SLC2A12: variants seen among roughly 807,000 people sequenced by gnomAD.
SLC2A12 encodes the protein solute carrier family 2 member 12.
Under a neutral mutation model 41.8 loss-of-function variants are expected in SLC2A12, and 23 were observed. The ratio of observed to expected loss-of-function variants is 0.55; its 90% CI spans 0.40 to 0.78. The LOEUF is 0.78. Among genes scored for constraint, SLC2A12 ranks in the 30% least tolerant of loss-of-function variants. The pLI is 0.00. For synonymous variants in SLC2A12, 295 were observed against 285.9 expected (o/e 1.03, Z -0.32); for missense variants, 654 against 745.6 (o/e 0.88, Z 1.43).
Position 134,004,605 on chromosome 6 carries a change from T to G in SLC2A12, c.1567+2207A>C, listed in dbSNP as rs183438078. Among the ~76,000 whole-genome samples, 3 of 152,340 alleles carry G rather than the reference T, an allele frequency of 2.0e-5. No individual in the cohort carries two copies. The East Asian group carries it at 5.8e-4, about 29-fold the overall frequency. ...TTCCCACAGTCTGGATTTTCTTGAT[T>G]GTAGTCATGCTGCATGTTCCTCATC... On this transcript the variant is annotated intron_variant, in intron 3 of 4. Transcript: ENST00000275230.
chr6:134,005,024 C>T (rs1776795379), intron 3 of SLC2A12, among the ~76,000 whole-genome samples: 1 of 152,084 alleles, frequency 6.6e-6, no homozygotes, highest in African/African-American at 2.4e-5. Flanking sequence ...TAAATTTAGG[C>T]TTTATTTATT....
intron 4 of SLC2A12, among the ~76,000 whole-genome samples, chr6:133,991,518 C>A (rs925705635): frequency 2.0e-5 from 3 of 152,156 alleles, no homozygotes; most frequent in African/African-American, 7.2e-5. Context: ...GGTGTCTTCT[C>A]AGAATACAAT....
intron 2 of SLC2A12, among the ~76,000 whole-genome samples, chr6:134,013,819 C>T (rs1296768797): frequency 6.6e-6 from 1 of 152,152 alleles, no homozygotes; most frequent in African/African-American, 2.4e-5. Context: ...TTTTGAACAG[C>T]TACACCAATA....
At chr6:134,015,359 T>G (rs1375355426) in intron 2 of SLC2A12, among the ~76,000 whole-genome samples, 2 of 152,104 alleles carry the variant, frequency 1.3e-5, no homozygotes, top group Non-Finnish European at 2.9e-5. Context: ...AGCAAATGGA[T>G]GCTGGGCTTA....
In SLC2A12 at chr6:133,992,800, G is replaced by A. The variant is rs188338588; in HGVS notation, c.1701-1492C>T. Among the ~76,000 whole-genome samples the A allele has an allele frequency of 2.0e-5, 3 of 152,280 alleles. No homozygotes were observed. In the East Asian group the frequency reaches 5.8e-4, roughly 29 times the overall value. The stretch of plus-strand genomic sequence containing the variant: ...TGAAGTGCCAGTACTTGAGGAAGTG[G>A]GCTGGAGAGATGAGTGGTTAGAGGG... On this transcript the variant is annotated intron_variant, in intron 4 of 4. Coordinates refer to ENST00000275230, the MANE Select transcript of SLC2A12 (RefSeq NM_145176.3).
chr6:134,006,623 C>T (rs1760386382), intron 3 of SLC2A12, among the ~76,000 whole-genome samples, 189 bp downstream of exon 3: 1 of 151,924 alleles, frequency 6.6e-6, no homozygotes, highest in East Asian at 1.9e-4. Context: ...AGGGGAAGAG[C>T]AGGTGGGGTT....
chr6:134,043,548 A>C (rs1458832583), intron 1 of SLC2A12, among the ~76,000 whole-genome samples: 1 of 152,068 alleles, frequency 6.6e-6, no homozygotes, highest in Non-Finnish European at 1.5e-5. Flanking sequence ...CAATCCCAGC[A>C]CTTTGGGAGG....
At chr6:134,032,865 T>C (rs1351732366) in intron 1 of SLC2A12, among the ~76,000 whole-genome samples, 1 of 142,830 alleles carries the variant, frequency 7.0e-6, no homozygotes, top group Non-Finnish European at 1.5e-5. Context: ...TTATATAATA[T>C]ATTACATATA....
chr6:134,021,507 T>C lies in SLC2A12; in HGVS notation c.1444+6874A>G, dbSNP rs146786596. On this transcript the variant is annotated intron_variant, in intron 2 of 4. Transcript: ENST00000275230. The stretch of plus-strand genomic sequence containing the variant: ...CTAAGGACTAAGATGTGTTCTCACA[T>C]TGTAACTTACATTATATCATACTCT... Among the ~76,000 whole-genome samples the C allele has an allele frequency of 2.6e-3, 391 of 152,346 alleles. 1 individual carries two copies. Among genetic ancestry groups the C allele is most frequent in the African/African-American group, 8.9e-3 (368 of 41,578 alleles).
chr6:134,042,211 T>C (rs1157449877), intron 1 of SLC2A12, among the ~76,000 whole-genome samples: 2 of 152,222 alleles, frequency 1.3e-5, no homozygotes, highest in Non-Finnish European at 2.9e-5. Flanking sequence ...GTTGCTGCAC[T>C]CAATAATGGT....
At chr6:134,036,043 C>A (rs1018562098) in intron 1 of SLC2A12, among the ~76,000 whole-genome samples, 24 of 152,184 alleles carry the variant, frequency 1.6e-4, no homozygotes, top group Admixed American at 4.6e-4. Flanking sequence ...TTTCTGCCTG[C>A]TTTCTTCTTC....
chr6:134,035,617 T>C (rs1378005369), intron 1 of SLC2A12, among the ~76,000 whole-genome samples: 1 of 152,178 alleles, frequency 6.6e-6, no homozygotes, highest in African/African-American at 2.4e-5. Flanking sequence ...CACATCAAAC[T>C]TTGATTAACT....
chr6:134,029,860 AC>A, intron 1 of SLC2A12, 139 bp from the exon 2 acceptor site: 1 of 1,094,396 alleles, frequency 9.1e-7, no homozygotes, highest in Non-Finnish European at 1.3e-6. Flanking sequence ...ATAAAATAAT[AC>A]ACTAACCAAA....
intron 4 of SLC2A12, among the ~76,000 whole-genome samples, chr6:133,991,532 A>G (rs942402679): frequency 1.3e-5 from 2 of 152,210 alleles, no homozygotes; most frequent in African/African-American, 4.8e-5. Flanking sequence ...ATACAATCCC[A>G]GCAGTCAGCT....
intron 2 of SLC2A12, among the ~76,000 whole-genome samples, chr6:134,020,931 G>A (rs1777032080): frequency 1.3e-5 from 2 of 152,208 alleles, no homozygotes; most frequent in African/African-American, 4.8e-5. Context: ...GCAAAAAGCA[G>A]AGGATCCAAA....
intron 1 of SLC2A12, among the ~76,000 whole-genome samples, chr6:134,040,872 G>C (rs1777373188): frequency 6.6e-6 from 1 of 152,160 alleles, no homozygotes; most frequent in South Asian, 2.1e-4. Flanking sequence ...AAATCAGAGG[G>C]GAGTTGGAAT....
At chr6:134,043,811 AAAG>A (rs990608975) in intron 1 of SLC2A12, among the ~76,000 whole-genome samples, 2 of 151,804 alleles carry the variant, frequency 1.3e-5, no homozygotes, top group African/African-American at 2.4e-5. Flanking sequence ...AAAAAAAAGA[AAAG>A]AAATTTTCTT....
rs200317270 is a variant in SLC2A12 at position 134,029,537 on chromosome 6, G to A, written c.288C>T (p.Thr96=). Residue 96 remains threonine (T), a synonymous_variant, in exon 2 of 5, where the codon ACC becomes ACT. Coordinates refer to ENST00000275230, the MANE Select transcript of SLC2A12 (RefSeq NM_145176.3). ...CATATCTGTCTATCAGGACCCCTCCGGTGAGTGAGGCAAGGAGGGCTCCAA... is the reference window on the plus strand; with the variant it reads ...CATATCTGTCTATCAGGACCCCTCCAGTGAGTGAGGCAAGGAGGGCTCCAA... ...LVIGALLASL[T]GGVLIDRYGR... is the part of the protein sequence containing the mutation. 105 of 1,614,120 alleles carry A rather than the reference G, an allele frequency of 6.5e-5. No homozygotes were observed. The East Asian group carries it at 1.0e-3, about 15-fold the overall frequency.
At chr6:134,039,884 A>G (rs1474131397) in intron 1 of SLC2A12, among the ~76,000 whole-genome samples, 1 of 151,890 alleles carries the variant, frequency 6.6e-6, no homozygotes, top group Non-Finnish European at 1.5e-5. Flanking sequence ...CTCTCACTCC[A>G]GTTTTCACAA....
Sources: allele counts gnomAD v4.1 joint callset (sites outside exome capture counted in the v4.1 genomes callset), GRCh38; gene constraint gnomAD v4.1.1; transcripts MANE v1.5; gene names NCBI Gene and HGNC (gene_info 2026-07-23, HGNC 2026-07-21).